The following NPAS3 variants were observed in gnomAD, a reference collection of about 807,000 sequenced individuals.
NPAS3 encodes neuronal PAS domain protein 3.
NPAS3 carries 14 observed loss-of-function variants against 73.1 expected under a neutral mutation model. The observed-to-expected ratio is 0.19, with a 90% CI of 0.13 to 0.30. NPAS3 has a LOEUF of 0.30. Ranked by LOEUF, NPAS3 falls within the 10% of genes least tolerant of loss-of-function variation. The pLI is 1.00. For synonymous variants in NPAS3, 620 were observed against 541.5 expected (o/e 1.14, Z -2.01); for missense variants, 1,096 against 1,250.0 (o/e 0.88, Z 1.86).
chr14:33,406,935 G>T (rs1277753924), intron 4 of NPAS3, among the ~76,000 whole-genome samples: 1 of 152,024 alleles, frequency 6.6e-6, no homozygotes, highest in Non-Finnish European at 1.5e-5. Context: ...CACTGGAATT[G>T]CCCTACACAG....
At chr14:33,351,534 A>G (rs376284711) in intron 3 of NPAS3, among the ~76,000 whole-genome samples, 8 of 152,384 alleles carry the variant, frequency 5.2e-5, no homozygotes, top group Non-Finnish European at 1.2e-4. Flanking sequence ...AGTTGAAAAT[A>G]TAAGTTGAAG....
intron 3 of NPAS3, among the ~76,000 whole-genome samples, chr14:33,228,020 A>G (rs990415983): frequency 6.6e-6 from 1 of 152,090 alleles, no homozygotes; most frequent in African/African-American, 2.4e-5. Flanking sequence ...GGACCTGTGA[A>G]CCCAGCTTGT....
chr14:33,568,855 ATG>A (rs1262318341), intron 5 of NPAS3, among the ~76,000 whole-genome samples: 20 of 152,174 alleles, frequency 1.3e-4, no homozygotes, highest in Admixed American at 4.6e-4. Flanking sequence ...CAAATGCCCT[ATG>A]GCTTTTTATC....
At chr14:33,522,956 C>T (rs1163154900) in intron 4 of NPAS3, among the ~76,000 whole-genome samples, 15 of 152,150 alleles carry the variant, frequency 9.9e-5, no homozygotes, top group Middle Eastern at 6.8e-3. Flanking sequence ...TTACTAATTA[C>T]GTCTGATGTC....
chr14:33,147,271 TA>T (rs2044268536), intron 2 of NPAS3, among the ~76,000 whole-genome samples: 1 of 152,086 alleles, frequency 6.6e-6, no homozygotes, highest in Non-Finnish European at 1.5e-5. Context: ...GATTGGAAGT[TA>T]AGGCTTTTCT....
In NPAS3 at chr14:33,395,810, G is replaced by T. The variant is rs140099128; in HGVS notation, c.468+28542G>T. Among the ~76,000 whole-genome samples, 522 of 152,064 alleles carry T rather than the reference G, an allele frequency of 3.4e-3. 6 individuals carry two copies. The highest frequency in any genetic ancestry group is 0.012 in the African/African-American group (504 of 41,482). ...TTCATTCACTCAGTCATTTATTTTT[G>T]AATTCATTAAACAAGCATTAATTAA... On this transcript the variant is annotated intron_variant, in intron 4 of 11. Transcript: ENST00000356141.
intron 5 of NPAS3, among the ~76,000 whole-genome samples, chr14:33,594,331 G>A (rs1268010262): frequency 3.3e-5 from 5 of 151,842 alleles, no homozygotes; most frequent in South Asian, 2.1e-4. Flanking sequence ...AAATATTTTC[G>A]ATCTGTAGTT....
intron 3 of NPAS3, among the ~76,000 whole-genome samples, chr14:33,318,897 A>G (rs886625984): frequency 6.6e-6 from 1 of 152,152 alleles, no homozygotes; most frequent in African/African-American, 2.4e-5. Context: ...CCGTACAGTT[A>G]TATCTTCCAA....
chr14:33,225,473 C>T (rs1770695371), intron 3 of NPAS3, among the ~76,000 whole-genome samples: 1 of 152,144 alleles, frequency 6.6e-6, no homozygotes, highest in African/African-American at 2.4e-5. Context: ...CCAACGTTTT[C>T]TGTAAAGGAT....
intron 4 of NPAS3, among the ~76,000 whole-genome samples, chr14:33,379,185 C>A (rs1283960215): frequency 1.3e-5 from 2 of 151,236 alleles, no homozygotes; most frequent in African/African-American, 4.9e-5. Flanking sequence ...TATGTATATG[C>A]AAATACTCCT....
intron 4 of NPAS3, among the ~76,000 whole-genome samples, chr14:33,423,052 C>G (rs111744539): frequency 3.9e-5 from 6 of 152,102 alleles, no homozygotes; most frequent in African/African-American, 1.4e-4. Context: ...AAAACAACTA[C>G]ATGTAGTTAT....
intron 5 of NPAS3, among the ~76,000 whole-genome samples, chr14:33,674,002 G>A (rs183189308): frequency 7.6e-4 from 116 of 152,306 alleles, no homozygotes; most frequent in African/African-American, 2.6e-3. Flanking sequence ...TTTGAGGTAT[G>A]TTGGTGGGAA....
chr14:33,140,047 AG>A (rs1418882618), intron 2 of NPAS3, among the ~76,000 whole-genome samples: 1 of 152,000 alleles, frequency 6.6e-6, no homozygotes, highest in African/African-American at 2.4e-5. Flanking sequence ...TAATTATAGT[AG>A]TACTCCCTTA....
At chr14:33,382,278 T>G (rs1425731304) in intron 4 of NPAS3, among the ~76,000 whole-genome samples, 7 of 152,116 alleles carry the variant, frequency 4.6e-5, no homozygotes, top group Admixed American at 2.0e-4. Flanking sequence ...TACTGACACC[T>G]CCCGTTAACC....
intron 1 of NPAS3, among the ~76,000 whole-genome samples, chr14:32,948,351 G>A (rs531073199): frequency 3.6e-4 from 55 of 152,148 alleles, no homozygotes; most frequent in African/African-American, 1.3e-3. Context: ...GAAATGGTTG[G>A]TTTAATCCTG....
intron 2 of NPAS3, among the ~76,000 whole-genome samples, chr14:33,088,604 G>A (rs1264633333): frequency 6.6e-6 from 1 of 152,224 alleles, no homozygotes; most frequent in Non-Finnish European, 1.5e-5. Flanking sequence ...TGAGGGCAGG[G>A]CATAGCCAAA....
intron 4 of NPAS3, among the ~76,000 whole-genome samples, chr14:33,518,660 A>G (rs79611203): frequency 0.081 from 11,764 of 145,724 alleles, 487 homozygotes; most frequent in African/African-American, 0.11. Context: ...GACCTGGAAT[A>G]CATCCTCCTT....
chr14:33,199,908 G>C (rs1327493559), intron 2 of NPAS3, among the ~76,000 whole-genome samples: 1 of 152,002 alleles, frequency 6.6e-6, no homozygotes, highest in Admixed American at 6.6e-5. Context: ...ACTTATCGAA[G>C]ACATACTCTA....
chr14:33,048,347 T>C (rs2040582304), intron 1 of NPAS3, among the ~76,000 whole-genome samples: 1 of 152,212 alleles, frequency 6.6e-6, no homozygotes, highest in African/African-American at 2.4e-5. Context: ...GGATCAGCAT[T>C]GTAGGGATCC....
Sources: gnomAD v4.1 joint callset for allele counts (sites outside exome capture counted in the v4.1 genomes callset) on GRCh38, gnomAD v4.1.1 for gene constraint, MANE v1.5 for transcripts, NCBI Gene and HGNC (gene_info 2026-07-23, HGNC 2026-07-21) for gene names.